The following GBF1 variants were observed in gnomAD, a reference collection of about 807,000 sequenced individuals.
GBF1 encodes golgi brefeldin A resistant guanine nucleotide exchange factor 1.
In GBF1, 114 loss-of-function variants were observed where a neutral mutation model predicts 210.5. The observed-to-expected ratio is 0.54, with a 90% CI of 0.47 to 0.63. The LOEUF is 0.63. Ranked by LOEUF, GBF1 falls within the 30% of genes least tolerant of loss-of-function variation. GBF1 has a pLI of 0.00. For missense variants in GBF1, 1,851 were observed against 2,357.7 expected (o/e 0.79, Z 4.45); for synonymous variants, 850 against 889.2 (o/e 0.96, Z 0.78).
chr10:102,238,879 C>T, the GBF1 span, among the ~76,000 whole-genome samples: 1 of 152,230 alleles, frequency 6.6e-6, no homozygotes, highest in East Asian at 1.9e-4. Context: ...CCTTCCAAAC[C>T]CTGAAGGATT....
intron 1 of GBF1, among the ~76,000 whole-genome samples, chr10:102,248,568 T>A (rs1344201462): frequency 2.0e-5 from 3 of 152,104 alleles, no homozygotes; most frequent in Non-Finnish European, 4.4e-5. Context: ...CCCATGGGAA[T>A]GTATTAGGAT....
chr10:102,377,153 C>T lies in GBF1; in HGVS notation c.4494+13C>T, dbSNP rs2060549828. The T allele has an allele frequency of 6.3e-7, 1 of 1,596,500 alleles. No individual in the cohort carries two copies. The highest frequency in any genetic ancestry group is 1.3e-5 in the African/African-American group (1 of 74,698). ...GGTCAGTCAGGACGTAAGTATGGCACCCTTTACTTCCTCTCCTCCCCTGCA... is the reference window on the plus strand; with the variant it reads ...GGTCAGTCAGGACGTAAGTATGGCATCCTTTACTTCCTCTCCTCCCCTGCA... On this transcript the variant is annotated intron_variant, in intron 33 of 39. Transcript: ENST00000369983.
At chr10:102,314,712 C>G (rs1295921059) in intron 3 of GBF1, among the ~76,000 whole-genome samples, 1 of 152,122 alleles carries the variant, frequency 6.6e-6, no homozygotes, top group Non-Finnish European at 1.5e-5. Context: ...AGATCCTTGC[C>G]CAAGTTAGCA....
intron 1 of GBF1, among the ~76,000 whole-genome samples, chr10:102,251,680 A>C (rs2071559739): frequency 1.3e-5 from 2 of 152,070 alleles, no homozygotes; most frequent in Admixed American, 1.3e-4. Context: ...TAGCCTCCCA[A>C]GTAGCTGGGA....
intron 3 of GBF1, among the ~76,000 whole-genome samples, chr10:102,269,301 G>A (rs2074174799): frequency 6.6e-6 from 1 of 152,208 alleles, no homozygotes; most frequent in Admixed American, 6.5e-5. Flanking sequence ...GTGAAGTGGG[G>A]GCATCCAGGA....
At chr10:102,370,521 G>T (rs2060146766) in intron 28 of GBF1, 43 bp downstream of exon 28, 1 of 1,491,456 alleles carries the variant, frequency 6.7e-7, no homozygotes, top group East Asian at 2.3e-5. Context: ...TGCTGGGCTT[G>T]TGCCAAAGGG....
At chr10:102,266,171 G>T (rs1435712997) in intron 3 of GBF1, among the ~76,000 whole-genome samples, 1 of 152,042 alleles carries the variant, frequency 6.6e-6, no homozygotes, top group African/African-American at 2.4e-5. Flanking sequence ...CCTGGGAGGC[G>T]CAGCTTGCAG....
chr10:102,352,000 G>A (rs765357823), intron 6 of GBF1, 49 bp downstream of exon 6: 17 of 997,226 alleles, frequency 1.7e-5, no homozygotes, highest in Admixed American at 3.4e-5. Flanking sequence ...GCCAGTGTCT[G>A]AGTATGAATA....
At chr10:102,301,134 C>T (rs1565080573) in intron 3 of GBF1, among the ~76,000 whole-genome samples, 1 of 152,012 alleles carries the variant, frequency 6.6e-6, no homozygotes, top group Non-Finnish European at 1.5e-5. Context: ...TGTGGCCTTC[C>T]GCAGTGTTTG....
At chr10:102,345,630 G>C (rs2058501711) in intron 4 of GBF1, among the ~76,000 whole-genome samples, 1 of 104,326 alleles carries the variant, frequency 9.6e-6, no homozygotes, top group Admixed American at 1.5e-4. Context: ...CTGGGTGACA[G>C]AGCAAGACTC....
At chr10:102,255,056 T>C (rs112249297) in intron 1 of GBF1, among the ~76,000 whole-genome samples, 1,863 of 152,266 alleles carry the variant, frequency 0.012, 33 homozygotes, top group African/African-American at 0.043. Flanking sequence ...TTTCTTTTTT[T>C]TTGAGACAGA....
intron 3 of GBF1, among the ~76,000 whole-genome samples, chr10:102,343,582 G>GCAAGGCAGGGA (rs2058336055): frequency 6.6e-6 from 1 of 152,068 alleles, no homozygotes; most frequent in African/African-American, 2.4e-5. Context: ...CTTTGGGAGG[G>GCAAGGCAGGGA]CAAGGCAGGG....
chr10:102,267,791 G>A (rs2074013631), intron 3 of GBF1, among the ~76,000 whole-genome samples: 1 of 152,192 alleles, frequency 6.6e-6, no homozygotes, highest in Non-Finnish European at 1.5e-5. Context: ...TGAGTGTTAG[G>A]AAAGGCAATG....
chr10:102,325,344 T>C (rs1483944807), intron 3 of GBF1, among the ~76,000 whole-genome samples: 1 of 151,130 alleles, frequency 6.6e-6, no homozygotes, highest in African/African-American at 2.4e-5. Flanking sequence ...AGGTCAGGAG[T>C]TCAAGACCAG....
Position 102,358,569 on chromosome 10 carries a change from C to T in GBF1, c.851C>T (p.Ala284Val), listed in dbSNP as rs777762275. 6.2e-7 allele frequency: 1 copy of T among 1,613,894 alleles called. No homozygotes were observed. Among genetic ancestry groups the T allele is most frequent in the Non-Finnish European group, 8.5e-7 (1 of 1,179,862 alleles). The change falls in exon 10 of 40, where the codon GCA (alanine) becomes GTA (valine). Residue 284 changes from alanine (A) to valine (V), a missense_variant. Coordinates refer to ENST00000369983, the MANE Select transcript of GBF1 (RefSeq NM_001377137.1). ...ISSASSEAAS[A>V]VVSPSTDSGL... ...TCTGCAAGTTCAGAAGCTGCCTCAG[C>T]AGTGGTCAGTCCCTCTACAGACAGT...
At chr10:102,336,324 A>G (rs1019990915) in intron 3 of GBF1, among the ~76,000 whole-genome samples, 4 of 150,724 alleles carry the variant, frequency 2.7e-5, no homozygotes, top group South Asian at 4.2e-4. Flanking sequence ...AGAAAAAAAA[A>G]AAAGAAAGAA....
intron 4 of GBF1, among the ~76,000 whole-genome samples, chr10:102,346,124 C>T (rs954319552): frequency 5.9e-5 from 9 of 151,788 alleles, no homozygotes; most frequent in Admixed American, 3.9e-4. Flanking sequence ...GGGGTTTCAC[C>T]ATTTTGTGCC....
chr10:102,316,085 T>G (rs1589608381), intron 3 of GBF1, among the ~76,000 whole-genome samples: 1 of 127,220 alleles, frequency 7.9e-6, no homozygotes. Context: ...TTCCCTCCAC[T>G]TTTTTTTTTT....
intron 3 of GBF1, among the ~76,000 whole-genome samples, chr10:102,281,328 C>T (rs1198291182): frequency 6.6e-6 from 1 of 152,084 alleles, no homozygotes; most frequent in Non-Finnish European, 1.5e-5. Flanking sequence ...CTAGACTCTT[C>T]CACACCAGCA....
Sources: gnomAD v4.1 joint callset for allele counts (sites outside exome capture counted in the v4.1 genomes callset) on GRCh38, gnomAD v4.1.1 for gene constraint, MANE v1.5 for transcripts, NCBI Gene and HGNC (gene_info 2026-07-23, HGNC 2026-07-21) for gene names.